ERC1: variants seen among roughly 807,000 people sequenced by gnomAD.
ERC1 encodes the protein ELKS/RAB6-interacting/CAST family member 1, also known as RAB6 interacting protein 2.
Under a neutral mutation model 132.0 loss-of-function variants are expected in ERC1, and 56 were observed. The observed-to-expected ratio is 0.42, with a 90% CI of 0.34 to 0.53. ERC1 has a LOEUF of 0.53. Among genes scored for constraint, ERC1 ranks in the 20% least tolerant of loss-of-function variants. ERC1 has a pLI of 0.03. For missense variants in ERC1, 1,202 were observed against 1,349.9 expected (o/e 0.89, Z 1.72); for synonymous variants, 478 against 476.1 (o/e 1.00, Z -0.05).
chr12:1,490,241 T>C lies in ERC1; in HGVS notation c.*11T>C. 2 of 1,612,704 alleles carry C rather than the reference T, an allele frequency of 1.2e-6. No homozygotes were observed. The highest frequency in any genetic ancestry group is 1.1e-5 in the South Asian group (1 of 90,986). ...GAAGAGTCCTCTTGACCCTGCTTTA[T>C]GGGGAAGCCTGAGGTAGTCAACCCA... On this transcript the variant is annotated 3_prime_UTR_variant, in exon 19 of 19. Transcript: ENST00000360905.
At position 995,524 on chromosome 12, in the gene ERC1, T is replaced by C. The variant is rs114031761; in HGVS notation, c.-157+4202T>C. ...ATTGGAGATGGTAATTCATGGAGCA[T>C]GTTTGTGGAGAAACCAGAAGTTCAG... On this transcript the variant is annotated intron_variant, in intron 1 of 18. Coordinates refer to ENST00000360905, the MANE Select transcript of ERC1 (RefSeq NM_178040.4). Among the ~76,000 whole-genome samples the C allele has an allele frequency of 5.9e-3, 900 of 152,274 alleles. 10 individuals are homozygous for C. The highest frequency in any genetic ancestry group is 0.02 in the African/African-American group (829 of 41,550).
At chr12:1,417,829 G>T (rs1030315807) in intron 17 of ERC1, among the ~76,000 whole-genome samples, 1 of 151,528 alleles carries the variant, frequency 6.6e-6, no homozygotes. Flanking sequence ...TTTGACAAAG[G>T]CATTGGGAAA....
intron 14 of ERC1, among the ~76,000 whole-genome samples, chr12:1,287,273 C>T (rs1309814790): frequency 6.6e-6 from 1 of 152,178 alleles, no homozygotes; most frequent in Non-Finnish European, 1.5e-5. Context: ...AAGGACTAAA[C>T]ATGAAAAGCA....
At chr12:1,460,955 G>C (rs1276620328) in intron 18 of ERC1, among the ~76,000 whole-genome samples, 1 of 81,176 alleles carries the variant, frequency 1.2e-5, no homozygotes. Flanking sequence ...CGATGAGGAG[G>C]CCCTTTTTTT....
At chr12:1,006,814 A>G (rs1398657013) in intron 1 of ERC1, among the ~76,000 whole-genome samples, 4 of 152,104 alleles carry the variant, frequency 2.6e-5, no homozygotes, top group Non-Finnish European at 4.4e-5. Flanking sequence ...TGTAAATAGT[A>G]TAGCAAAAAT....
intron 3 of ERC1, among the ~76,000 whole-genome samples, chr12:1,094,654 G>A (rs972068242): frequency 3.9e-5 from 6 of 152,176 alleles, no homozygotes; most frequent in South Asian, 2.1e-4. Context: ...CAAGTGATTC[G>A]CTGGTCTTGG....
intron 11 of ERC1, 99 bp downstream of exon 11, chr12:1,183,520 TAATC>T (rs1174057632): frequency 1.5e-5 from 11 of 718,836 alleles, no homozygotes; most frequent in African/African-American, 3.6e-5. Context: ...AATGGAATAA[TAATC>T]CGCCAAACTT....
At chr12:1,232,294 T>C (rs1433712505) in intron 12 of ERC1, among the ~76,000 whole-genome samples, 1 of 152,202 alleles carries the variant, frequency 6.6e-6, no homozygotes, top group Non-Finnish European at 1.5e-5. Flanking sequence ...TTCAGTGTAA[T>C]TTTCTTTGAC....
chr12:1,298,565 CAAAG>C (rs2080159376), intron 15 of ERC1, among the ~76,000 whole-genome samples: 2 of 136,978 alleles, frequency 1.5e-5, no homozygotes, highest in African/African-American at 2.7e-5. Context: ...AACAAACAAA[CAAAG>C]AAAAAGCACC....
intron 15 of ERC1, among the ~76,000 whole-genome samples, chr12:1,304,893 C>T (rs1449829368): frequency 1.3e-5 from 2 of 148,906 alleles, no homozygotes; most frequent in African/African-American, 2.5e-5. Context: ...GGGTTGACGC[C>T]ATTCTCCTAC....
rs916877215 is a variant in ERC1 at position 1,259,668 on chromosome 12, G to A, written c.2488-3366G>A. Among the ~76,000 whole-genome samples the A allele has an allele frequency of 6.1e-4, 93 of 151,262 alleles. 1 individual carries two copies. Among genetic ancestry groups the A allele is most frequent in the African/African-American group, 2.1e-3 (87 of 41,316 alleles). The stretch of plus-strand genomic sequence containing the variant: ...CTCCTGAGTAGCTGGGATTACAGGC[G>A]CCCGCCACAACGCCCAGCTAATTTT... On this transcript the variant is annotated intron_variant, in intron 13 of 18. Transcript: ENST00000360905.
intron 7 of ERC1, among the ~76,000 whole-genome samples, chr12:1,125,745 G>A (rs748123838): frequency 6.6e-6 from 1 of 152,208 alleles, no homozygotes; most frequent in African/African-American, 2.4e-5. Context: ...AACCCAGGAG[G>A]CGGAGGTTAC....
At chr12:1,473,230 T>C (rs2093900341) in intron 18 of ERC1, among the ~76,000 whole-genome samples, 1 of 152,132 alleles carries the variant, frequency 6.6e-6, no homozygotes, top group Non-Finnish European at 1.5e-5. Flanking sequence ...GGTTTCACCA[T>C]GTTGATCAGG....
chr12:1,307,028 T>C (rs1424362445), intron 15 of ERC1, among the ~76,000 whole-genome samples: 1 of 152,178 alleles, frequency 6.6e-6, no homozygotes, highest in Admixed American at 6.5e-5. Flanking sequence ...AGTGAGGCCC[T>C]AGAGACTGTT....
At chr12:1,103,779 C>T (rs552977591) in intron 3 of ERC1, among the ~76,000 whole-genome samples, 87 of 152,212 alleles carry the variant, frequency 5.7e-4, no homozygotes, top group Non-Finnish European at 8.7e-4. Context: ...CCAAAGTGAC[C>T]CTCCTGCCTT....
intron 2 of ERC1, among the ~76,000 whole-genome samples, chr12:1,057,741 A>G (rs1467319323): frequency 6.6e-6 from 1 of 151,656 alleles, no homozygotes; most frequent in Non-Finnish European, 1.5e-5. Context: ...GATTACAGGC[A>G]CTTGCCACCA....
chr12:1,348,144 A>T (rs2084658415), intron 15 of ERC1, among the ~76,000 whole-genome samples: 1 of 152,204 alleles, frequency 6.6e-6, no homozygotes, highest in Admixed American at 6.5e-5. Flanking sequence ...CTAATAAGGA[A>T]CCACTATGTG....
chr12:1,393,278 A>G (rs78641378), intron 16 of ERC1, among the ~76,000 whole-genome samples: 4,677 of 152,358 alleles, frequency 0.031, 80 homozygotes, highest in Middle Eastern at 0.071. Context: ...CTGTAATCCC[A>G]ACACTTTGGG....
chr12:1,489,957 CTT>C (rs2094301202), intron 18 of ERC1, 134 bp from the exon 19 acceptor site: 1 of 1,028,226 alleles, frequency 9.7e-7, no homozygotes, highest in Non-Finnish European at 1.4e-6. Flanking sequence ...TGCTTTTACA[CTT>C]TTCTTATGGT....
Sources: gnomAD v4.1 joint callset for allele counts (sites outside exome capture counted in the v4.1 genomes callset) on GRCh38, gnomAD v4.1.1 for gene constraint, MANE v1.5 for transcripts, NCBI Gene and HGNC (gene_info 2026-07-23, HGNC 2026-07-21) for gene names.